Variants in LIPC observed in about 807,000 individuals in gnomAD.
LIPC encodes the protein lipase C, hepatic type.
In LIPC, 44 loss-of-function variants were observed where a neutral mutation model predicts 50.7. The ratio of observed to expected loss-of-function variants is 0.87; its 90% CI spans 0.68 to 1.11. The LOEUF is 1.11. Among genes scored for constraint, LIPC ranks in the 50% most tolerant of loss-of-function variants. The pLI is 0.00. For synonymous variants in LIPC, 271 were observed against 256.4 expected (o/e 1.06, Z -0.54); for missense variants, 697 against 648.2 (o/e 1.08, Z -0.82).
intron 1 of LIPC, among the ~76,000 whole-genome samples, chr15:58,533,756 AT>A (rs1323838037): frequency 6.6e-6 from 1 of 152,220 alleles, no homozygotes. Context: ...ATAAGAAAAC[AT>A]TATGAAGATA....
chr15:58,508,246 G>T (rs529948666), intron 1 of LIPC, among the ~76,000 whole-genome samples: 1 of 152,074 alleles, frequency 6.6e-6, no homozygotes, highest in Admixed American at 6.5e-5. Flanking sequence ...AAGGGTGGGG[G>T]GTAGGGAGTG....
chr15:58,516,969 G>C (rs550548603), intron 1 of LIPC, among the ~76,000 whole-genome samples: 2 of 152,150 alleles, frequency 1.3e-5, no homozygotes, highest in Non-Finnish European at 2.9e-5. Context: ...CTTTGTCCTG[G>C]GGTGCAGTTA....
chr15:58,448,955 G>T (rs1353430806), intron 1 of LIPC, among the ~76,000 whole-genome samples: 1 of 152,206 alleles, frequency 6.6e-6, no homozygotes, highest in East Asian at 1.9e-4. Flanking sequence ...ACAAAAACCA[G>T]GCTTGGGACT....
At chr15:58,543,873 G>A (rs542128179) in intron 4 of LIPC, among the ~76,000 whole-genome samples, 4 of 152,106 alleles carry the variant, frequency 2.6e-5, no homozygotes, top group African/African-American at 9.6e-5. Context: ...CCACCATCTC[G>A]GCCTCCCAAA....
At chr15:58,514,169 T>G (rs1159139962) in intron 1 of LIPC, among the ~76,000 whole-genome samples, 1 of 152,214 alleles carries the variant, frequency 6.6e-6, no homozygotes, top group Non-Finnish European at 1.5e-5. Flanking sequence ...CTGTTTGTAA[T>G]GGGGATTCCA....
intron 8 of LIPC, among the ~76,000 whole-genome samples, chr15:58,567,323 GTATATATATA>G (rs1172336213): frequency 1.3e-4 from 4 of 31,286 alleles, no homozygotes; most frequent in African/African-American, 5.4e-4. Flanking sequence ...ATGTATATGT[GTATATATATA>G]TATATGTATA....
chr15:58,532,294 C>T (rs1430571465), intron 1 of LIPC, among the ~76,000 whole-genome samples: 1 of 152,136 alleles, frequency 6.6e-6, no homozygotes, highest in African/African-American at 2.4e-5. Flanking sequence ...ATCTTTCCAT[C>T]GTGCAAGAAA....
intron 1 of LIPC, among the ~76,000 whole-genome samples, chr15:58,469,184 G>T (rs1406018686): frequency 6.6e-6 from 1 of 150,982 alleles, no homozygotes; most frequent in Non-Finnish European, 1.5e-5. Flanking sequence ...GCCCAGGCTG[G>T]AGTGCAGTGG....
intron 1 of LIPC, among the ~76,000 whole-genome samples, chr15:58,440,022 C>T (rs16940302): frequency 0.091 from 13,791 of 152,210 alleles, 665 homozygotes; most frequent in African/African-American, 0.15. Context: ...AATCAACATC[C>T]ACTGCTCCTG....
chr15:58,463,530 A>G (rs1367854364), intron 1 of LIPC, among the ~76,000 whole-genome samples: 3 of 151,882 alleles, frequency 2.0e-5, no homozygotes, highest in African/African-American at 7.3e-5. Flanking sequence ...AGCACCCACC[A>G]TTTTGCCCCA....
At chr15:58,502,568 C>A (rs968926777) in intron 1 of LIPC, among the ~76,000 whole-genome samples, 1 of 148,452 alleles carries the variant, frequency 6.7e-6, no homozygotes, top group East Asian at 2.0e-4. Flanking sequence ...TTAACTCTTG[C>A]TTTGAGGTCA....
intron 1 of LIPC, among the ~76,000 whole-genome samples, chr15:58,469,128 G>GTGTGTT (rs1162069553): frequency 6.6e-6 from 1 of 151,500 alleles, no homozygotes; most frequent in Non-Finnish European, 1.5e-5. Flanking sequence ...GTGTGTGTGT[G>GTGTGTT]TGTGTGTGTG....
rs1470305824 is a variant in LIPC, at chr15:58,518,924, C to A, written c.89-19409C>A. 3.3e-5 allele frequency among the ~76,000 whole-genome samples: 5 copies of A among 150,884 alleles called. No homozygotes were observed. The East Asian group carries it at 7.7e-4, about 23-fold the overall frequency. On this transcript the variant is annotated intron_variant, in intron 1 of 8. Transcript: ENST00000299022. Reference sequence around the variant, plus strand: ...CTCACAACACTCACAGAGCTATACACTTACGATTCGTCACCTAAAAAAAAA... The same window carrying A: ...CTCACAACACTCACAGAGCTATACAATTACGATTCGTCACCTAAAAAAAAA...
chr15:58,519,083 C>G (rs982990941), intron 1 of LIPC, among the ~76,000 whole-genome samples: 1 of 152,102 alleles, frequency 6.6e-6, no homozygotes, highest in Non-Finnish European at 1.5e-5. Flanking sequence ...ACAGGAAGTG[C>G]ACAATAAGTA....
rs1411044204 is a variant in LIPC at position 58,473,382 on chromosome 15, TG to T, written c.88+41263del. Among the ~76,000 whole-genome samples the T allele has an allele frequency of 7.9e-5, 12 of 152,104 alleles. No homozygotes were observed. In the East Asian group the frequency reaches 2.3e-3, roughly 29 times the overall value. ...GCCCTCGTGGTGAGGAAAGCAAAAC[TG>T]TAAGACTCAATGGGAGGCCAGTGGA... On this transcript the variant is annotated intron_variant, in intron 1 of 8. Coordinates refer to ENST00000299022, the MANE Select transcript of LIPC (RefSeq NM_000236.3).
intron 1 of LIPC, among the ~76,000 whole-genome samples, chr15:58,507,835 T>C (rs1283590967): frequency 3.9e-5 from 6 of 152,166 alleles, no homozygotes; most frequent in Admixed American, 1.3e-4. Flanking sequence ...CCATTAACCC[T>C]TCTTCATAGG....
intron 1 of LIPC, among the ~76,000 whole-genome samples, chr15:58,453,431 C>T (rs1157604371): frequency 6.6e-6 from 1 of 152,174 alleles, no homozygotes; most frequent in African/African-American, 2.4e-5. Context: ...ACTCTAGAGA[C>T]TAACAATGGG....
intron 1 of LIPC, among the ~76,000 whole-genome samples, chr15:58,507,719 C>A (rs1233607876): frequency 6.6e-6 from 1 of 152,190 alleles, no homozygotes; most frequent in Non-Finnish European, 1.5e-5. Flanking sequence ...CCCCTTTGCC[C>A]TCTGAAAGCT....
intron 5 of LIPC, among the ~76,000 whole-genome samples, chr15:58,547,632 TAAAAA>T (rs60995762): frequency 4.3e-5 from 6 of 141,060 alleles, no homozygotes; most frequent in Non-Finnish European, 7.8e-5. Flanking sequence ...TTTGGAGAGT[TAAAAA>T]AAAAAAAAAA....
Sources: allele counts gnomAD v4.1 joint callset (sites outside exome capture counted in the v4.1 genomes callset), GRCh38; gene constraint gnomAD v4.1.1; transcripts MANE v1.5; gene names NCBI Gene and HGNC (gene_info 2026-07-23, HGNC 2026-07-21).